The following SYNE2 variants were observed in gnomAD, a reference collection of about 807,000 sequenced individuals.
SYNE2 encodes the protein spectrin repeat containing nuclear envelope protein 2.
A neutral mutation model predicts 856.3 loss-of-function variants in SYNE2; 431 were observed. The observed-to-expected ratio is 0.50, with a 90% confidence interval of 0.47 to 0.55. The LOEUF (loss-of-function observed/expected upper bound fraction) is 0.55, where lower values mean the gene tolerates loss of function less well. Among genes scored for constraint, SYNE2 ranks in the 20% least tolerant of loss-of-function variants. The probability of loss-of-function intolerance (pLI) is 0.00; values close to 1 mark genes in which losing one functional copy is unlikely to be tolerated. For missense variants in SYNE2, 8,129 were observed against 8,023.2 expected (o/e 1.01, Z -0.50); for synonymous variants, 2,923 against 2,872.3 (o/e 1.02, Z -0.56).
chr14:63,913,082 C>T (rs1177808349), intron 2 of SYNE2, among the ~76,000 whole-genome samples: 3 of 152,050 alleles, frequency 2.0e-5, no homozygotes, highest in Non-Finnish European at 4.4e-5. Context: ...TACAGGTGCA[C>T]ATCACTGCGC....
chr14:64,091,081 G>T (rs1395909545), intron 60 of SYNE2, 33 bp downstream of exon 60: 1 of 1,602,744 alleles, frequency 6.2e-7, no homozygotes, highest in African/African-American at 1.3e-5. Context: ...CAACTTACTG[G>T]ATGAAAATGT....
intron 32 of SYNE2, among the ~76,000 whole-genome samples, chr14:64,014,968 TATATATAC>T (rs1277619976): frequency 8.9e-5 from 6 of 67,512 alleles, no homozygotes; most frequent in East Asian, 8.0e-4. Context: ...TATATATATA[TATATATAC>T]ACACACACAC....
At chr14:64,183,753 A>C (rs1265133858) in intron 96 of SYNE2, among the ~76,000 whole-genome samples, 1 of 152,038 alleles carries the variant, frequency 6.6e-6, no homozygotes, top group East Asian at 1.9e-4. Flanking sequence ...GTCTCCACCA[A>C]AAAAATACGA....
intron 1 of SYNE2, among the ~76,000 whole-genome samples, chr14:63,815,171 C>T (rs868125635): frequency 1.7e-4 from 12 of 72,312 alleles, no homozygotes; most frequent in South Asian, 6.5e-4. Context: ...TATATATCCA[C>T]ATATATATCC....
intron 1 of SYNE2, among the ~76,000 whole-genome samples, chr14:63,882,383 C>T (rs2094884548): frequency 6.6e-6 from 1 of 152,098 alleles, no homozygotes. Flanking sequence ...ATTTCTATCA[C>T]TCTTGATTAA....
Position 64,053,406 on chromosome 14 carries a change from T to C in SYNE2, c.9493T>C (p.Leu3165=). ...CAAACTAGAAACTTCCTTACATGTTTTAAATCAGATAAAATCTCAATTACA... is the reference window on the plus strand; with the variant it reads ...CAAACTAGAAACTTCCTTACATGTTCTAAATCAGATAAAATCTCAATTACA... ...QDKLETSLHV[L]NQIKSQLQQP... Residue 3165 remains leucine, a synonymous_variant, in exon 48 of 116, where the codon TTA becomes CTA. Coordinates refer to ENST00000555002, the MANE Select transcript of SYNE2 (RefSeq NM_182914.3). 6.2e-7 allele frequency: 1 copy of C among 1,613,288 alleles called. No individual in the cohort carries two copies. The highest frequency in any genetic ancestry group is 8.5e-7 in the Non-Finnish European group (1 of 1,179,862).
intron 7 of SYNE2, among the ~76,000 whole-genome samples, chr14:63,950,684 T>C (rs2096138972): frequency 6.6e-6 from 1 of 152,110 alleles, no homozygotes; most frequent in South Asian, 2.1e-4. Context: ...TGAGACAGGG[T>C]CTCACTTTGT....
At chr14:63,788,567 T>C (rs1887624721) in intron 1 of SYNE2, among the ~76,000 whole-genome samples, 1 of 152,020 alleles carries the variant, frequency 6.6e-6, no homozygotes, top group African/African-American at 2.4e-5. Context: ...GCCTGCTCCA[T>C]GGAGCAGGAG....
At chr14:63,985,813 A>G (rs899648801) in intron 18 of SYNE2, among the ~76,000 whole-genome samples, 1 of 152,206 alleles carries the variant, frequency 6.6e-6, no homozygotes. Context: ...GTTCAAGATC[A>G]GCCTGGGCAA....
intron 6 of SYNE2, among the ~76,000 whole-genome samples, chr14:63,948,597 G>A (rs1459535772): frequency 6.7e-6 from 1 of 150,002 alleles, no homozygotes; most frequent in South Asian, 2.1e-4. Context: ...GGAGGCGGAG[G>A]TTGCAGTGAG....
At position 64,157,344 on chromosome 14, in the gene SYNE2, A is replaced by G. The variant is rs539041436; in HGVS notation, c.15793-1281A>G. ...TTTTATATAAATAGAATCATATGCT[A>G]TATAGCCTTTTGGGTCTGGCTTCCT... is the stretch of plus-strand genomic sequence containing the variant. On this transcript the variant is annotated intron_variant, in intron 85 of 115. Coordinates refer to ENST00000555002, the MANE Select transcript of SYNE2 (RefSeq NM_182914.3). Among the ~76,000 whole-genome samples the G allele has an allele frequency of 5.3e-5, 8 of 152,366 alleles. No individual in the cohort carries two copies. In the South Asian group the frequency reaches 1.2e-3, roughly 24 times the overall value.
In SYNE2 at chr14:64,142,090, T is replaced by G; in HGVS notation, c.15306+2T>G. ...AAACATCTTCTTCAGAAGCACAAGG[T>G]AATTATGCAAAAGGAGCAGAAGTCT... On this transcript the variant is annotated splice_donor_variant, in intron 82 of 115. Transcript: ENST00000555002. LOFTEE classifies it high-confidence loss of function. The G allele has an allele frequency of 1.2e-6, 2 of 1,614,034 alleles. No homozygotes were observed. The highest frequency in any genetic ancestry group is 1.7e-6 in the Non-Finnish European group (2 of 1,179,962).
intron 89 of SYNE2, among the ~76,000 whole-genome samples, chr14:64,163,924 CT>C (rs888503721): frequency 5.3e-5 from 8 of 151,742 alleles, no homozygotes; most frequent in Non-Finnish European, 1.0e-4. Context: ...TCTTCATTCA[CT>C]TTTTTTTATT....
intron 2 of SYNE2, among the ~76,000 whole-genome samples, chr14:63,933,791 A>G (rs2095795736): frequency 6.6e-6 from 1 of 152,136 alleles, no homozygotes; most frequent in African/African-American, 2.4e-5. Flanking sequence ...AAAAGGTCCT[A>G]TTCTCTACAT....
In SYNE2 at chr14:63,818,120, C is replaced by A. The variant is rs551617997; in HGVS notation, c.-304-34381C>A. On this transcript the variant is annotated intron_variant, in intron 1 of 23. Transcript: ENST00000674003. Reference sequence around the variant, plus strand: ...CAGCACTTTGGGAGGCCGAGGTGGGCACATCACAAGGTCAGGAGATCCTGG... The same window carrying A: ...CAGCACTTTGGGAGGCCGAGGTGGGAACATCACAAGGTCAGGAGATCCTGG... 3.8e-4 allele frequency among the ~76,000 whole-genome samples: 58 copies of A among 150,946 alleles called. 2 individuals are homozygous for A. The South Asian group carries it at 0.011, about 29-fold the overall frequency.
chr14:63,951,068 T>G (rs1595841360), intron 7 of SYNE2, among the ~76,000 whole-genome samples: 1 of 152,052 alleles, frequency 6.6e-6, no homozygotes, highest in East Asian at 1.9e-4. Context: ...AATTTACTTT[T>G]CCATTTTAAG....
At chr14:63,936,525 A>C (rs144685832) in intron 2 of SYNE2, among the ~76,000 whole-genome samples, 1 of 152,136 alleles carries the variant, frequency 6.6e-6, no homozygotes, top group Non-Finnish European at 1.5e-5. Flanking sequence ...TAACAGTAGA[A>C]AGAACATTCC....
At chr14:64,174,050 C>A in intron 94 of SYNE2, 1 of 588,180 alleles carries the variant, frequency 1.7e-6, no homozygotes, top group Non-Finnish European at 3.0e-6. Context: ...TAAAAATAAA[C>A]AAGACCTTGT....
intron 2 of SYNE2, among the ~76,000 whole-genome samples, chr14:63,910,333 C>T (rs2095458426): frequency 6.6e-6 from 1 of 152,092 alleles, no homozygotes; most frequent in Admixed American, 6.6e-5. Context: ...GAATGATTTG[C>T]TTCTATATTT....
Sources: allele counts gnomAD v4.1 joint callset (sites outside exome capture counted in the v4.1 genomes callset), GRCh38; gene constraint gnomAD v4.1.1; transcripts MANE v1.5; gene names NCBI Gene and HGNC (gene_info 2026-07-23, HGNC 2026-07-21).